The following AP2A2 variants were observed in gnomAD, a reference collection of about 807,000 sequenced individuals.
AP2A2 encodes AP-2 complex subunit alpha-2.
Under a neutral mutation model 104.2 loss-of-function variants are expected in AP2A2, and 32 were observed. The ratio of observed to expected loss-of-function variants is 0.31; its 90% CI spans 0.23 to 0.41. The LOEUF is 0.41. AP2A2 is among the 10% of genes least tolerant of loss of function. The probability of loss-of-function intolerance (pLI) is 1.00; values close to 1 mark genes in which losing one functional copy is unlikely to be tolerated. For missense variants in AP2A2, 912 were observed against 1,261.0 expected (o/e 0.72, Z 4.19); for synonymous variants, 539 against 533.3 (o/e 1.01, Z -0.15).
chr11:1,011,393 G>C lies in AP2A2; in HGVS notation c.*768G>C. The C allele has an allele frequency of 1.9e-6, 1 of 515,410 alleles. No individual in the cohort carries two copies. Among genetic ancestry groups the C allele is most frequent in the South Asian group, 1.4e-5 (1 of 71,224 alleles). 31.9% of individuals were successfully genotyped at this position (515,410 alleles called of 1,614,324 possible). On this transcript the variant is annotated 3_prime_UTR_variant, in exon 22 of 22. Transcript: ENST00000448903. ...TGGCGCAAGACTCAGAGGTGTGCTC[G>C]TCTCTTTCCTGTCAGAGTGGGCGTC...
intron 1 of AP2A2, among the ~76,000 whole-genome samples, chr11:932,198 C>G (rs1187439834): frequency 6.6e-6 from 1 of 152,190 alleles, no homozygotes. Flanking sequence ...AGTGATCCAC[C>G]TGCCTCGGCC....
In AP2A2 at chr11:1,011,474, G is replaced by C. The variant is rs912412921; in HGVS notation, c.*849G>C. 1.2e-5 allele frequency: 6 copies of C among 498,362 alleles called. No individual in the cohort carries two copies. The highest frequency in any genetic ancestry group is 1.2e-4 in the African/African-American group (6 of 51,644). 30.9% of individuals were successfully genotyped at this position (498,362 alleles called of 1,614,324 possible). A position where few individuals can be genotyped will look rare whatever the true frequency, so the allele number is the denominator to read the frequency against. On this transcript the variant is annotated 3_prime_UTR_variant, in exon 22 of 22. Coordinates refer to ENST00000448903, the MANE Select transcript of AP2A2 (RefSeq NM_012305.4). ...CACCGGCCCCGTCCAGTCGTCCCTG[G>C]AGGGGCTGTGGAGGAGGGACGCCTC...
intron 2 of AP2A2, among the ~76,000 whole-genome samples, chr11:963,297 G>T (rs997438501): frequency 5.3e-5 from 8 of 152,012 alleles, no homozygotes; most frequent in Non-Finnish European, 1.0e-4. Context: ...ATGGTGGCGG[G>T]CACCTGTAAT....
In AP2A2 at chr11:927,025, A is replaced by AT. The variant is rs565376732; in HGVS notation, c.67+944dup. On this transcript the variant is annotated intron_variant, in intron 1 of 21. Coordinates refer to ENST00000448903, the MANE Select transcript of AP2A2 (RefSeq NM_012305.4). ...AGCCAGTTTCCTGTCTGCTGCGTTG[A>AT]TTTTTTTCCTTGTTATCCAGCAAAT... Among the ~76,000 whole-genome samples the AT allele has an allele frequency of 5.3e-3, 800 of 152,142 alleles. 12 individuals carry two copies. The highest frequency in any genetic ancestry group is 0.019 in the African/African-American group (773 of 41,490).
chr11:988,405 G>A (rs567722539), intron 9 of AP2A2, 147 bp from the exon 10 acceptor site: 10 of 1,025,206 alleles, frequency 9.8e-6, no homozygotes, highest in East Asian at 2.4e-5. Flanking sequence ...CACGTGGCCC[G>A]AGTGCAGGTC....
chr11:998,605 CT>C (rs1161439314), intron 14 of AP2A2, among the ~76,000 whole-genome samples: 1 of 152,076 alleles, frequency 6.6e-6, no homozygotes, highest in Non-Finnish European at 1.5e-5. Context: ...TGTCTTGTGT[CT>C]CTGTTTTTTG....
At chr11:984,555 G>C (rs1855381825) in intron 6 of AP2A2, 90 bp from the exon 7 acceptor site, 1 of 1,080,122 alleles carries the variant, frequency 9.3e-7, no homozygotes, top group Non-Finnish European at 1.4e-6. Flanking sequence ...GCTCAGGCGT[G>C]ACCCGAGGAG....
At chr11:941,075 G>A (rs910670292) in intron 1 of AP2A2, among the ~76,000 whole-genome samples, 2 of 152,222 alleles carry the variant, frequency 1.3e-5, no homozygotes, top group South Asian at 4.1e-4. Flanking sequence ...TGGGGGCCGA[G>A]GGGCCTGCCT....
At chr11:959,701 C>G (rs550026324) in intron 2 of AP2A2, among the ~76,000 whole-genome samples, 196 bp downstream of exon 2, 1 of 152,194 alleles carries the variant, frequency 6.6e-6, no homozygotes, top group African/African-American at 2.4e-5. Context: ...CTCCTGGTGT[C>G]TGGTCTTTTC....
Position 925,923 on chromosome 11 carries a change from CTCCTCCGCGGCGGT to C in AP2A2, c.-98_-85del. The C allele has an allele frequency of 1.1e-6, 1 of 940,966 alleles. No homozygotes were observed. Among genetic ancestry groups the C allele is most frequent in the Non-Finnish European group, 1.4e-6 (1 of 701,622 alleles). The allele number at this position is 940,966 out of a possible 1,614,324, so 58.3% of individuals were successfully genotyped here. ...CCGTGGTTAGGCGGCTCCCCGGCGGCTCCTCCGCGGCGGTGACGGCGACCGCACTCCCCGCTTCC... is the reference window on the plus strand; with the variant it reads ...CCGTGGTTAGGCGGCTCCCCGGCGGCGACGGCGACCGCACTCCCCGCTTCC... On this transcript the variant is annotated 5_prime_UTR_variant, in exon 1 of 22. Transcript: ENST00000448903.
At chr11:997,089 G>A (rs1471929777) in intron 14 of AP2A2, among the ~76,000 whole-genome samples, 5 of 152,302 alleles carry the variant, frequency 3.3e-5, no homozygotes, top group Admixed American at 2.0e-4. Flanking sequence ...TGTATGGGCC[G>A]TGAAGGGGCC....
In AP2A2 at chr11:926,159, C is replaced by T. The variant is rs909162359; in HGVS notation, c.67+71C>T. The T allele has an allele frequency of 1.1e-5, 10 of 901,786 alleles. No homozygotes were observed. The African/African-American group carries it at 1.5e-4, about 14-fold the overall frequency. 55.9% of individuals were successfully genotyped at this position (901,786 alleles called of 1,614,324 possible). The stretch of plus-strand genomic sequence containing the variant: ...GAGACGGGGTCTGGGAGCGGAGGCC[C>T]GGGGCGGGGCCTCGAGGCGGGGGTG... On this transcript the variant is annotated intron_variant, in intron 1 of 21. Transcript: ENST00000448903.
intron 3 of AP2A2, 58 bp downstream of exon 3, chr11:970,369 G>T (rs1854775318): frequency 1.3e-6 from 2 of 1,587,144 alleles, no homozygotes; most frequent in African/African-American, 1.3e-5. Flanking sequence ...CAGGACTGAG[G>T]CCCGGTGCCC....
chr11:947,562 G>A (rs1426279308), intron 1 of AP2A2, among the ~76,000 whole-genome samples: 2 of 151,954 alleles, frequency 1.3e-5, no homozygotes, highest in African/African-American at 2.4e-5. Flanking sequence ...TTGGGAGGCC[G>A]AGGTGGGCGG....
At chr11:1,002,607 C>G (rs913713702) in intron 15 of AP2A2, among the ~76,000 whole-genome samples, 1 of 152,264 alleles carries the variant, frequency 6.6e-6, no homozygotes, top group Non-Finnish European at 1.5e-5. Flanking sequence ...GAGCAGCGCC[C>G]TCCTGGCCCC....
At chr11:987,359 CAG>C (rs1235795367) in intron 9 of AP2A2, among the ~76,000 whole-genome samples, 1 of 152,142 alleles carries the variant, frequency 6.6e-6, no homozygotes, top group Non-Finnish European at 1.5e-5. Flanking sequence ...ATTAAAATTT[CAG>C]AGTTGGGGCC....
At chr11:1,010,203 C>T (rs1564825874) in intron 21 of AP2A2, 2 of 490,954 alleles carry the variant, frequency 4.1e-6, no homozygotes, top group Non-Finnish European at 7.3e-6. Context: ...ACGTCCCGTT[C>T]TGGCGACGGA....
In AP2A2 at chr11:994,240, G is replaced by T. The variant is rs370131600; in HGVS notation, c.1951G>T (p.Ala651Ser). The T allele has an allele frequency of 3.1e-6, 5 of 1,612,688 alleles. No individual in the cohort carries two copies. The African/African-American group carries it at 6.7e-5, about 22-fold the overall frequency. Residue 651 changes from alanine (A) to serine (S), a missense_variant, in exon 14 of 22, where the codon GCC becomes TCC. This residue lies in a region of AP2A2 where 105 missense variants were observed against 90.9 expected (regional missense o/e 1.16). Coordinates refer to ENST00000448903, the MANE Select transcript of AP2A2 (RefSeq NM_012305.4). ...TGAGCCTGCCCCAGCCAGTACCAGC[G>T]CCGTGGTGGGTCCCTCACCTACTGT... Reference protein sequence around the residue: ...GPEPAPASTSAVSTPSPSADL... With the variant: ...GPEPAPASTSSVSTPSPSADL...
At chr11:928,421 C>G (rs1313122417) in intron 1 of AP2A2, among the ~76,000 whole-genome samples, 1 of 152,150 alleles carries the variant, frequency 6.6e-6, no homozygotes, top group Non-Finnish European at 1.5e-5. Context: ...TTTCAGGCAC[C>G]CACTGAGTGC....
Sources: gnomAD v4.1 joint callset for allele counts (sites outside exome capture counted in the v4.1 genomes callset) on GRCh38, gnomAD v4.1.1 for gene constraint, gnomAD v4.1.1 regional missense constraint, MANE v1.5 for transcripts, NCBI Gene and HGNC (gene_info 2026-07-23, HGNC 2026-07-21) for gene names.